The following WEE1 variants were observed in gnomAD, a reference collection of about 807,000 sequenced individuals.
WEE1 encodes the protein WEE1 G2 checkpoint kinase, also known as wee1-like protein kinase.
Under a neutral mutation model 68.8 loss-of-function variants are expected in WEE1, and 16 were observed. The ratio of observed to expected loss-of-function variants is 0.23; its 90% CI spans 0.16 to 0.35. The LOEUF is 0.35. Ranked by LOEUF, WEE1 falls within the 10% of genes least tolerant of loss-of-function variation. The pLI is 1.00. For missense variants in WEE1, 651 were observed against 824.1 expected, an observed-to-expected ratio of 0.79 and a Z score of 2.57; for synonymous variants, 349 against 318.7, an observed-to-expected ratio of 1.09 and a Z score of -1.01.
Position 9,586,807 on chromosome 11 carries a change from T to C in WEE1, c.1738T>C (p.Leu580=), listed in dbSNP as rs1400710711. The C allele has an allele frequency of 6.2e-7, 1 of 1,613,310 alleles. No homozygotes were observed. ...LSASRKSAEQ[L]RIELNAEKFK... is the part of the protein sequence containing the mutation. ...CGCTTCTAGAAAGAGTGCAGAACAA[T>C]TACGAATAGAATTGAATGCCGAAAA... is the stretch of plus-strand genomic sequence containing the variant. Residue 580 remains leucine, a synonymous_variant, in exon 10 of 11, where the codon TTA becomes CTA. Transcript: ENST00000450114.
intron 1 of WEE1, chr11:9,575,352 A>G (rs1849554090): frequency 4.0e-6 from 4 of 990,636 alleles, no homozygotes; most frequent in Non-Finnish European, 3.6e-6. Context: ...TTGTAAGGTT[A>G]ACAGGGAAGA....
chr11:9,589,720 T>G lies in WEE1; in HGVS notation c.*1118T>G, dbSNP rs1849741561. 1 of 985,658 alleles carries G rather than the reference T, an allele frequency of 1.0e-6. No homozygotes were observed. 61.1% of individuals were successfully genotyped at this position (985,658 alleles called of 1,614,324 possible). A position where few individuals can be genotyped will look rare whatever the true frequency, so the allele number is the denominator to read the frequency against. The stretch of plus-strand genomic sequence containing the variant: ...GTCTTTGACTTGTGTTTTATTAACA[T>G]TGATTGGCATATTAAAAGTCACTCT... On this transcript the variant is annotated 3_prime_UTR_variant, in exon 11 of 11. Transcript: ENST00000450114.
chr11:9,580,902 C>T (rs966652096), intron 5 of WEE1: 2 of 152,172 alleles, frequency 1.3e-5, no homozygotes, highest in Admixed American at 6.5e-5. Context: ...ATACATAGAC[C>T]TGAGCTGGGC....
chr11:9,585,868 TA>T (rs1174590643), intron 8 of WEE1, among the ~76,000 whole-genome samples: 2 of 152,230 alleles, frequency 1.3e-5, no homozygotes, highest in Admixed American at 6.5e-5. Context: ...ACTATTCATA[TA>T]CAAATACAAG....
chr11:9,585,598 A>G, intron 8 of WEE1, 71 bp downstream of exon 8: 3 of 1,250,988 alleles, frequency 2.4e-6, no homozygotes, highest in Admixed American at 2.7e-5. Flanking sequence ...ATATAAATTC[A>G]GATATATTAA....
chr11:9,574,766 G>A lies in WEE1; in HGVS notation c.576+257G>A. The A allele has an allele frequency of 9.8e-7, 1 of 1,018,582 alleles. No individual in the cohort carries two copies. Among genetic ancestry groups the A allele is most frequent in the Non-Finnish European group, 1.2e-6 (1 of 851,944 alleles). The allele number at this position is 1,018,582 out of a possible 1,614,324, so 63.1% of individuals were successfully genotyped here. ...GGCCCGTCCGGGTGGCCAAGGATTT[G>A]CCGCCCGTTGAGTCCGGGCCGCCCC... On this transcript the variant is annotated intron_variant, in intron 1 of 10. Coordinates refer to ENST00000450114, the MANE Select transcript of WEE1 (RefSeq NM_003390.4). This position sits in a 1 kb window ranked among gnomAD's most constrained non-coding sequence, Gnocchi z 4.9.
chr11:9,584,649 C>T (rs1054768450), intron 6 of WEE1, among the ~76,000 whole-genome samples: 3 of 152,206 alleles, frequency 2.0e-5, no homozygotes, highest in South Asian at 2.1e-4. Flanking sequence ...AGCCTTATAG[C>T]GCTACATTAA....
chr11:9,581,758 A>G (rs927636832), intron 6 of WEE1, 80 bp downstream of exon 6: 3 of 1,366,376 alleles, frequency 2.2e-6, no homozygotes, highest in African/African-American at 3.0e-5. Flanking sequence ...CATTGAAAAA[A>G]TATATATCTT....
In WEE1 at chr11:9,585,429, T is replaced by G; in HGVS notation, c.1385-13T>G. 6.2e-7 allele frequency: 1 copy of G among 1,609,308 alleles called. No individual in the cohort carries two copies. Among genetic ancestry groups the G allele is most frequent in the South Asian group, 1.1e-5 (1 of 89,904 alleles). ...GTTTTTGCTCTTCACTGTAAGTTTT[T>G]CAATACTTCTAGGTGATCTTGGGCA... On this transcript the variant is annotated splice_polypyrimidine_tract_variant and intron_variant, in intron 7 of 10. Transcript: ENST00000450114.
Position 9,574,146 on chromosome 11 carries a change from C to T in WEE1, c.213C>T (p.Pro71=). Residue 71 remains proline (P), a synonymous_variant, in exon 1 of 11, where the codon CCC becomes CCT. Coordinates refer to ENST00000450114, the MANE Select transcript of WEE1 (RefSeq NM_003390.4). The surrounding 1 kb of genome is among the most constrained non-coding windows in gnomAD (Gnocchi z 4.9). ...CGCCCGCGCGGAGCCCCACGGAGCCCGGGCCCGAGCGCCGCCGCTCGCCCG... is the reference window on the plus strand; with the variant it reads ...CGCCCGCGCGGAGCCCCACGGAGCCTGGGCCCGAGCGCCGCCGCTCGCCCG... The part of the protein sequence containing the change: ...PLPPARSPTE[P]GPERRRSPGP... 2 of 1,192,568 alleles carry T rather than the reference C, an allele frequency of 1.7e-6. No homozygotes were observed. The highest frequency in any genetic ancestry group is 2.1e-6 in the Non-Finnish European group (2 of 964,060). 73.9% of individuals were successfully genotyped at this position (1,192,568 alleles called of 1,614,324 possible).
intron 5 of WEE1, chr11:9,580,342 G>A (rs1454167554): frequency 1.3e-5 from 2 of 151,942 alleles, no homozygotes; most frequent in African/African-American, 4.8e-5. Flanking sequence ...CTAAATGTAC[G>A]TGAAATTACC....
rs762765834 is a variant in WEE1 at position 9,574,467 on chromosome 11, C to G, written c.534C>G (p.Thr178=). The part of the protein sequence containing the change: ...PDHPGTPPHK[T]FRKLRLFDTP... ...ACCCGGGCACCCCGCCACACAAGAC[C>G]TTCCGCAAGCTGCGACTCTTCGACA... Residue 178 remains threonine, a synonymous_variant, in exon 1 of 11, where the codon ACC becomes ACG. Transcript: ENST00000450114. The surrounding 1 kb of genome is among the most constrained non-coding windows in gnomAD (Gnocchi z 4.9). 7.9e-7 allele frequency: 1 copy of G among 1,260,510 alleles called. No individual in the cohort carries two copies. The highest frequency in any genetic ancestry group is 1.0e-6 in the Non-Finnish European group (1 of 1,003,942). 78.1% of individuals were successfully genotyped at this position (1,260,510 alleles called of 1,614,324 possible).
chr11:9,575,044 A>G (rs775788141), intron 1 of WEE1: 554 of 985,838 alleles, frequency 5.6e-4, no homozygotes, highest in Non-Finnish European at 6.4e-4. Flanking sequence ...ACTTGGGAGT[A>G]AAGGCTGGCC....
Position 9,576,171 on chromosome 11 carries a change from A to G in WEE1, c.783-59A>G, listed in dbSNP as rs759345408. The G allele has an allele frequency of 8.1e-6, 13 of 1,598,874 alleles. No individual in the cohort carries two copies. Among genetic ancestry groups the G allele is most frequent in the Non-Finnish European group, 1.1e-5 (13 of 1,170,304 alleles). On this transcript the variant is annotated intron_variant, in intron 2 of 10. Coordinates refer to ENST00000450114, the MANE Select transcript of WEE1 (RefSeq NM_003390.4). This position sits in a 1 kb window ranked among gnomAD's most constrained non-coding sequence, Gnocchi z 4.3. ...GTATACTTATCAAAATTTAGTTCCT[A>G]TTTAATGGCATGGATGTATCTGTCA...
rs1015892380 is a variant in WEE1 at position 9,589,732 on chromosome 11, T to C, written c.*1130T>C. 3.0e-6 allele frequency: 3 copies of C among 985,068 alleles called. No individual in the cohort carries two copies. Among genetic ancestry groups the C allele is most frequent in the Non-Finnish European group, 3.6e-6 (3 of 829,282 alleles). The allele number at this position is 985,068 out of a possible 1,614,324, so 61.0% of individuals were successfully genotyped here. ...TGTTTTATTAACATTGATTGGCATA[T>C]TAAAAGTCACTCTGAGCTTACCTTA... On this transcript the variant is annotated 3_prime_UTR_variant, in exon 11 of 11. Transcript: ENST00000450114.
At chr11:9,583,037 C>G (rs577704691) in intron 6 of WEE1, among the ~76,000 whole-genome samples, 1 of 152,032 alleles carries the variant, frequency 6.6e-6, no homozygotes, top group South Asian at 2.1e-4. Flanking sequence ...AAATTTAGAC[C>G]AGGTGCAGTG....
In WEE1 at chr11:9,576,160, A is replaced by G. The variant is rs776587965; in HGVS notation, c.782+67A>G. ...AGATTGGTTTGGTATACTTATCAAA[A>G]TTTAGTTCCTATTTAATGGCATGGA... On this transcript the variant is annotated intron_variant, in intron 2 of 10. Coordinates refer to ENST00000450114, the MANE Select transcript of WEE1 (RefSeq NM_003390.4). The surrounding 1 kb of genome is among the most constrained non-coding windows in gnomAD (Gnocchi z 4.3). 8 of 1,605,222 alleles carry G rather than the reference A, an allele frequency of 5.0e-6. No individual in the cohort carries two copies. Among genetic ancestry groups the G allele is most frequent in the Non-Finnish European group, 6.8e-6 (8 of 1,174,438 alleles).
At chr11:9,581,286 A>T in intron 5 of WEE1, 1 of 402,436 alleles carries the variant, frequency 2.5e-6, no homozygotes, top group Non-Finnish European at 4.4e-6. Context: ...TCTGAGAAAG[A>T]AACAGGTGGA....
intron 6 of WEE1, among the ~76,000 whole-genome samples, chr11:9,583,802 CATATATATATATAT>C (rs371859938): frequency 0.019 from 338 of 17,604 alleles, 2 homozygotes; most frequent in Non-Finnish European, 0.024. Flanking sequence ...CACACACACA[CATATATATATATAT>C]ATATATATAT....
Sources: allele counts gnomAD v4.1 joint callset (sites outside exome capture counted in the v4.1 genomes callset), GRCh38; gene constraint gnomAD v4.1.1; non-coding constraint Gnocchi (gnomAD v3.1); transcripts MANE v1.5; gene names NCBI Gene and HGNC (gene_info 2026-07-23, HGNC 2026-07-21).